The following AOAH variants were observed in gnomAD, a reference collection of about 807,000 sequenced individuals.
The protein encoded by AOAH is acyloxyacyl hydrolase.
AOAH carries 64 observed loss-of-function variants against 92.2 expected under a neutral mutation model. The ratio of observed to expected loss-of-function variants is 0.69; its 90% CI spans 0.57 to 0.86. The LOEUF is 0.86. Ranked by LOEUF, AOAH falls within the 40% of genes least tolerant of loss-of-function variation. The pLI is 0.00. For synonymous variants in AOAH, 263 were observed against 254.5 expected (o/e 1.03, Z -0.32); for missense variants, 656 against 694.6 (o/e 0.94, Z 0.62).
At chr7:36,685,781 C>A (rs867028003) in intron 2 of AOAH, among the ~76,000 whole-genome samples, 28 of 152,114 alleles carry the variant, frequency 1.8e-4, no homozygotes, top group Admixed American at 2.6e-4. Flanking sequence ...TCTTAATGGT[C>A]CATTTGGGAC....
intron 13 of AOAH, among the ~76,000 whole-genome samples, chr7:36,557,158 G>C (rs1038206783): frequency 6.6e-6 from 1 of 152,044 alleles, no homozygotes; most frequent in Non-Finnish European, 1.5e-5. Context: ...CTTCTTTCAG[G>C]AGCTCTTTTA....
intron 13 of AOAH, among the ~76,000 whole-genome samples, chr7:36,563,147 CAAAAAAAAAAAAAAAAAAAAAAAA>C (rs60240330): frequency 2.8e-5 from 1 of 36,054 alleles, no homozygotes; most frequent in Admixed American, 4.0e-4. Context: ...AACTCCGTCT[CAAAAAAAAAAAAAAAAAAAAAAAA>C]AAAAAAAAAA....
At chr7:36,528,425 C>G (rs955591158) in intron 19 of AOAH, among the ~76,000 whole-genome samples, 1 of 152,134 alleles carries the variant, frequency 6.6e-6, no homozygotes, top group Non-Finnish European at 1.5e-5. Context: ...TCTGGACAGA[C>G]AAGAATAAAG....
intron 10 of AOAH, among the ~76,000 whole-genome samples, chr7:36,617,754 G>A (rs937312972): frequency 6.6e-6 from 1 of 152,212 alleles, no homozygotes. Context: ...TGGCCCAGAT[G>A]TTTGTGCCAT....
intron 5 of AOAH, among the ~76,000 whole-genome samples, chr7:36,633,270 C>T (rs911993216): frequency 6.6e-5 from 10 of 152,152 alleles, no homozygotes; most frequent in Admixed American, 2.0e-4. Flanking sequence ...TGGGGTGGGT[C>T]GTGGCAGCCT....
intron 4 of AOAH, among the ~76,000 whole-genome samples, chr7:36,643,277 T>A (rs1306638809): frequency 1.3e-5 from 2 of 152,182 alleles, no homozygotes; most frequent in Non-Finnish European, 2.9e-5. Flanking sequence ...GCACTCTAGT[T>A]TCTAGACTCT....
At chr7:36,522,509 A>G (rs1242398699) in intron 19 of AOAH, among the ~76,000 whole-genome samples, 1 of 152,110 alleles carries the variant, frequency 6.6e-6, no homozygotes, top group Non-Finnish European at 1.5e-5. Context: ...CCATTTGCAG[A>G]CTCTGCCTGC....
At chr7:36,714,945 C>A (rs1252450430) in intron 1 of AOAH, among the ~76,000 whole-genome samples, 2 of 152,156 alleles carry the variant, frequency 1.3e-5, no homozygotes, top group Non-Finnish European at 2.9e-5. Context: ...TCTCACCACA[C>A]CTATTCAACA....
intron 6 of AOAH, among the ~76,000 whole-genome samples, chr7:36,624,748 A>G (rs1366739360): frequency 1.3e-5 from 2 of 152,002 alleles, no homozygotes; most frequent in Non-Finnish European, 2.9e-5. Flanking sequence ...CCCGTGGGTG[A>G]CCCCTTATCC....
At chr7:36,633,135 A>G (rs1793253777) in intron 5 of AOAH, among the ~76,000 whole-genome samples, 1 of 152,216 alleles carries the variant, frequency 6.6e-6, no homozygotes, top group South Asian at 2.1e-4. Context: ...GAGGTGGGAT[A>G]GAGGCAGGTG....
chr7:36,662,619 T>C (rs1795289802), intron 3 of AOAH, among the ~76,000 whole-genome samples: 1 of 152,188 alleles, frequency 6.6e-6, no homozygotes, highest in Non-Finnish European at 1.5e-5. Context: ...GGGCTCTGGT[T>C]AATCTTTGTT....
At chr7:36,549,340 T>G in intron 14 of AOAH, 99 bp downstream of exon 14, 1 of 911,590 alleles carries the variant, frequency 1.1e-6, no homozygotes, top group Non-Finnish European at 1.8e-6. Context: ...AACAAGCTAT[T>G]TATGCTCAGT....
At position 36,658,820 on chromosome 7, in the gene AOAH, G is replaced by T. The variant is rs532293433; in HGVS notation, c.390+346C>A. Among the ~76,000 whole-genome samples, 12 of 152,282 alleles carry T rather than the reference G, an allele frequency of 7.9e-5. No homozygotes were observed. The South Asian group carries it at 2.1e-3, about 26-fold the overall frequency. ...AGTGCTCATGGCAGGAAAGTCCTGG[G>T]CAAACTGGCATGAGTTGCTCACTCT... On this transcript the variant is annotated intron_variant, in intron 4 of 20. Transcript: ENST00000617537.
chr7:36,621,745 A>G lies in AOAH; in HGVS notation c.618T>C (p.Cys206=). ...GGTACACTGACTCGTCGCTGTCATTACAGTCTCTCCCCCGCCAGTGATAGC... is the reference window on the plus strand; with the variant it reads ...GGTACACTGACTCGTCGCTGTCATTGCAGTCTCTCCCCCGCCAGTGATAGC... ...LRGYHWRGRD[C]NDSDESVYPG... is the part of the protein sequence containing the mutation. Residue 206 remains cysteine (C), a synonymous_variant, in exon 8 of 21, where the codon TGT becomes TGC. Transcript: ENST00000617537. The G allele has an allele frequency of 6.2e-7, 1 of 1,614,132 alleles. No individual in the cohort carries two copies.
At chr7:36,537,539 A>C (rs1785155058) in intron 16 of AOAH, among the ~76,000 whole-genome samples, 1 of 131,968 alleles carries the variant, frequency 7.6e-6, no homozygotes, top group South Asian at 2.4e-4. Flanking sequence ...TTGTTTTGAG[A>C]CTGAGTTTCA....
intron 1 of AOAH, among the ~76,000 whole-genome samples, chr7:36,688,412 A>G (rs1562698642): frequency 6.6e-6 from 1 of 152,150 alleles, no homozygotes; most frequent in Non-Finnish European, 1.5e-5. Flanking sequence ...ACAAGTAAAT[A>G]TTTTTGGCAT....
chr7:36,690,575 G>A (rs1797336054), intron 1 of AOAH, among the ~76,000 whole-genome samples: 1 of 152,170 alleles, frequency 6.6e-6, no homozygotes, highest in South Asian at 2.1e-4. Flanking sequence ...GAGATGCACG[G>A]GCAGAGTAAT....
chr7:36,699,869 C>T (rs1232288852), intron 1 of AOAH, among the ~76,000 whole-genome samples: 1 of 151,968 alleles, frequency 6.6e-6, no homozygotes, highest in Non-Finnish European at 1.5e-5. Flanking sequence ...AAATTCTTTG[C>T]TCAGACTAAT....
Position 36,621,702 on chromosome 7 carries a change from A to T in AOAH, c.653+8T>A. ...TTTTAAAAATCAGCAACCAGCAGAA[A>T]TAGTTACCTTCTACCTGGGTACACT... On this transcript the variant is annotated splice_region_variant and intron_variant, in intron 8 of 20. Coordinates refer to ENST00000617537, the MANE Select transcript of AOAH (RefSeq NM_001637.4). 1 of 1,613,950 alleles carries T rather than the reference A, an allele frequency of 6.2e-7. No homozygotes were observed. The highest frequency in any genetic ancestry group is 2.2e-5 in the East Asian group (1 of 44,874).
Sources: allele counts gnomAD v4.1 joint callset (sites outside exome capture counted in the v4.1 genomes callset), GRCh38; gene constraint gnomAD v4.1.1; transcripts MANE v1.5; gene names NCBI Gene and HGNC (gene_info 2026-07-23, HGNC 2026-07-21).